SEH1L: variants seen among roughly 807,000 people sequenced by gnomAD.
The protein encoded by SEH1L is nucleoporin SEH1.
SEH1L carries 18 observed loss-of-function variants against 49.5 expected under a neutral mutation model. The ratio of observed to expected loss-of-function variants is 0.36; its 90% CI spans 0.25 to 0.54. The LOEUF is 0.54. SEH1L is among the 20% of genes least tolerant of loss of function. SEH1L has a pLI of 0.87. For missense variants in SEH1L, 404 were observed against 528.8 expected (o/e 0.76, Z 2.31); for synonymous variants, 169 against 178.1 (o/e 0.95, Z 0.41).
intron 6 of SEH1L, among the ~76,000 whole-genome samples, chr18:12,980,215 C>CA (rs2032141367): frequency 2.5e-5 from 3 of 119,374 alleles, no homozygotes; most frequent in East Asian, 3.2e-4. Context: ...GGGGGGCTGA[C>CA]CCCCCCACCT....
intron 4 of SEH1L, among the ~76,000 whole-genome samples, chr18:12,970,595 A>T (rs1167526715): frequency 2.7e-5 from 4 of 149,716 alleles, no homozygotes; most frequent in Non-Finnish European, 6.0e-5. Flanking sequence ...AATTAAACAA[A>T]TTTTTTTTTT....
At position 12,972,534 on chromosome 18, in the gene SEH1L, G is replaced by A. The variant is rs76998264; in HGVS notation, c.620+1283G>A. On this transcript the variant is annotated intron_variant, in intron 5 of 8. Transcript: ENST00000399892. ...GTCAGGTGATCAGATGGGCTTCGCAGGTACTAGACAAAATTCTTGAGTCTA... is the reference window on the plus strand; with the variant it reads ...GTCAGGTGATCAGATGGGCTTCGCAAGTACTAGACAAAATTCTTGAGTCTA... 778 of 152,320 alleles carry A rather than the reference G, an allele frequency of 5.1e-3. 5 individuals are homozygous for A. The highest frequency in any genetic ancestry group is 0.018 in the African/African-American group (733 of 41,576). 9.4% of individuals were successfully genotyped at this position (152,320 alleles called of 1,614,324 possible).
intron 3 of SEH1L, among the ~76,000 whole-genome samples, chr18:12,961,102 G>A (rs1012317496): frequency 3.3e-5 from 5 of 152,190 alleles, no homozygotes; most frequent in Non-Finnish European, 4.4e-5. Flanking sequence ...TGGGCAGTCC[G>A]CATGTGCAGT....
chr18:12,949,352 A>G (rs1435584242), intron 1 of SEH1L, among the ~76,000 whole-genome samples: 1 of 151,652 alleles, frequency 6.6e-6, no homozygotes, highest in Non-Finnish European at 1.5e-5. Context: ...TCTCAAAGAT[A>G]AACTTTTTAT....
rs536108211 is a variant in SEH1L at position 12,966,593 on chromosome 18, G to C, written c.521+3222G>C. Reference sequence around the variant, plus strand: ...TTTTTGTTATTTTTTGTGGATATGGGGTTTCGCCTTGTTGCCCAGAATGGT... The same window carrying C: ...TTTTTGTTATTTTTTGTGGATATGGCGTTTCGCCTTGTTGCCCAGAATGGT... On this transcript the variant is annotated intron_variant, in intron 4 of 8. Transcript: ENST00000399892. Among the ~76,000 whole-genome samples the C allele has an allele frequency of 7.4e-4, 112 of 152,128 alleles. 1 individual carries two copies. The highest frequency in any genetic ancestry group is 3.3e-3 in the South Asian group (16 of 4,824).
chr18:12,969,952 C>T (rs2145639219), intron 4 of SEH1L, among the ~76,000 whole-genome samples: 2 of 152,222 alleles, frequency 1.3e-5, no homozygotes, highest in South Asian at 4.1e-4. Context: ...GTGGAATTTA[C>T]ATCTATTTGA....
intron 3 of SEH1L, among the ~76,000 whole-genome samples, chr18:12,957,862 A>G (rs1248737966): frequency 6.6e-6 from 1 of 151,958 alleles, no homozygotes; most frequent in Non-Finnish European, 1.5e-5. Flanking sequence ...GATCACAGGC[A>G]TGCACCACAG....
rs202049745 is a variant in SEH1L, at chr18:12,955,424, G to A, written c.163-39G>A. On this transcript the variant is annotated intron_variant, in intron 2 of 8. Transcript: ENST00000399892. ...AGGAAAAAAGAAGCCCTGGGATAAT[G>A]AGTATCTGTTCTTTTCTTTTTTTTT... 3.9e-6 allele frequency: 6 copies of A among 1,542,458 alleles called. No homozygotes were observed. In the African/African-American group the frequency reaches 4.8e-5, roughly 12 times the overall value.
Position 12,984,187 on chromosome 18 carries a change from G to C in SEH1L, c.1067G>C (p.Gly356Ala), listed in dbSNP as rs2032380175. 6.2e-7 allele frequency: 1 copy of C among 1,613,104 alleles called. No homozygotes were observed. Among genetic ancestry groups the C allele is most frequent in the South Asian group, 1.1e-5 (1 of 91,010 alleles). ...AATTCATTAAATGGATCTTCTGCTG[G>C]CAGGTAGGCTGCTTCATGGGAAAAC... ...LQNSLNGSSA[G>A]RYFFTPLDSP... Residue 356 changes from glycine (G) to alanine (A), a missense_variant, in exon 8 of 9, where the codon GGC becomes GCC. Gly to Ala is a moderately conservative substitution (Grantham distance 60). This residue lies in a region of SEH1L where 342 missense variants were observed against 430.8 expected (regional missense o/e 0.79). Coordinates refer to ENST00000399892, the MANE Select transcript of SEH1L (RefSeq NM_001013437.2).
intron 4 of SEH1L, among the ~76,000 whole-genome samples, chr18:12,965,122 C>T (rs981363327): frequency 1.3e-5 from 2 of 150,960 alleles, no homozygotes; most frequent in African/African-American, 4.9e-5. Flanking sequence ...AAGCGATTCC[C>T]CTGCCTCAGC....
intron 4 of SEH1L, among the ~76,000 whole-genome samples, chr18:12,967,139 A>G (rs2031486294): frequency 1.3e-5 from 2 of 152,258 alleles, no homozygotes; most frequent in Non-Finnish European, 2.9e-5. Context: ...TAAAGTTGCC[A>G]TGAACACTGA....
chr18:12,978,943 A>G, intron 6 of SEH1L, 51 bp downstream of exon 6: 2 of 1,570,970 alleles, frequency 1.3e-6, no homozygotes, highest in Non-Finnish European at 1.7e-6. Context: ...CCTTCTGATT[A>G]CCTTTGTTTG....
Position 12,986,871 on chromosome 18 carries a change from T to G in SEH1L, c.1080T>G (p.Phe360Leu). 6.4e-7 allele frequency: 1 copy of G among 1,570,676 alleles called. No homozygotes were observed. Among genetic ancestry groups the G allele is most frequent in the East Asian group, 2.3e-5 (1 of 43,430 alleles). The part of the protein sequence containing the change: ...LNGSSAGRYF[F>L]TPLDSPRAGS... The stretch of plus-strand genomic sequence containing the variant: ...GTCTTCATTGTTTCAGGTATTTCTT[T>G]ACCCCTCTGGATTCCCCACGGGCTG... Residue 360 changes from phenylalanine (F) to leucine (L), a missense_variant, in exon 9 of 9, where the codon TTT (phenylalanine) becomes TTG (leucine). Phe to Leu is a conservative substitution (Grantham distance 22). This residue lies in a region of SEH1L where 342 missense variants were observed against 430.8 expected (regional missense o/e 0.79). Coordinates refer to ENST00000399892, the MANE Select transcript of SEH1L (RefSeq NM_001013437.2).
At chr18:12,973,758 T>A (rs1191107251) in intron 5 of SEH1L, 1 of 152,224 alleles carries the variant, frequency 6.6e-6, no homozygotes, top group African/African-American at 2.4e-5. Flanking sequence ...GTGGAGCAGT[T>A]CTGGGGTTAG....
chr18:12,986,447 C>T (rs1014638521), intron 8 of SEH1L: 1 of 986,080 alleles, frequency 1.0e-6, no homozygotes, highest in Non-Finnish European at 1.2e-6. Context: ...AAAATGTGTG[C>T]TTGCTGCTGC....
chr18:12,985,139 AG>A (rs754489384), intron 8 of SEH1L: 621 of 1,306,690 alleles, frequency 4.8e-4, no homozygotes, highest in Non-Finnish European at 6.2e-4. Context: ...TTTTGTAAAT[AG>A]CTTCTATTTT....
At chr18:12,962,612 C>G (rs573196536) in intron 3 of SEH1L, among the ~76,000 whole-genome samples, 3 of 150,172 alleles carry the variant, frequency 2.0e-5, no homozygotes, top group East Asian at 3.9e-4. Flanking sequence ...GGGCCACAGG[C>G]GTGCACCACC....
At chr18:12,961,389 A>G (rs2031169600) in intron 3 of SEH1L, among the ~76,000 whole-genome samples, 1 of 152,106 alleles carries the variant, frequency 6.6e-6, no homozygotes, top group Non-Finnish European at 1.5e-5. Flanking sequence ...GTTTAGAGAG[A>G]AAGTTTAACA....
chr18:12,975,674 G>C, intron 5 of SEH1L: 1 of 984,336 alleles, frequency 1.0e-6, no homozygotes. Context: ...TCTCTATCCT[G>C]GCAGCATTTG....
Sources: allele counts gnomAD v4.1 joint callset (sites outside exome capture counted in the v4.1 genomes callset), GRCh38; gene constraint gnomAD v4.1.1; regional missense constraint gnomAD v4.1.1; transcripts MANE v1.5; gene names NCBI Gene and HGNC (gene_info 2026-07-23, HGNC 2026-07-21).